Variants in PZP observed in about 807,000 individuals in gnomAD.
PZP encodes the protein PZP alpha-2-macroglobulin like, also known as pregnancy zone protein.
In PZP, 150 loss-of-function variants were observed where a neutral mutation model predicts 179.8. The ratio of observed to expected loss-of-function variants is 0.83; its 90% confidence interval spans 0.73 to 0.96. The LOEUF (loss-of-function observed/expected upper bound fraction) is 0.96. Ranked by LOEUF, PZP falls within the 40% of genes least tolerant of loss-of-function variation. The pLI is 0.00. For missense variants in PZP, 1,689 were observed against 1,764.0 expected, an observed-to-expected ratio of 0.96 and a Z score of 0.76; for synonymous variants, 624 against 652.3, an observed-to-expected ratio of 0.96 and a Z score of 0.66.
chr12:9,162,265 C>T (rs1285025050), intron 22 of PZP: 1 of 213,668 alleles, frequency 4.7e-6, no homozygotes, highest in African/African-American at 2.3e-5. Flanking sequence ...CCCGGCTAAC[C>T]CTGCTCTCTT....
At chr12:9,139,592 T>C in the PZP span, among the ~76,000 whole-genome samples, 11 of 152,344 alleles carry the variant, frequency 7.2e-5, no homozygotes, top group South Asian at 2.3e-3. Context: ...ATGTTTGCTT[T>C]ATATATTTAG....
chr12:9,180,785 A>C (rs763179585), intron 15 of PZP, among the ~76,000 whole-genome samples, 198 bp downstream of exon 15: 10 of 152,352 alleles, frequency 6.6e-5, no homozygotes, highest in East Asian at 5.8e-4. Flanking sequence ...GCAACAAAAG[A>C]CAAAATTGAC....
intron 1 of PZP, among the ~76,000 whole-genome samples, chr12:9,204,813 A>T (rs181234185): frequency 1.2e-4 from 19 of 152,328 alleles, no homozygotes; most frequent in Admixed American, 2.0e-4. Flanking sequence ...AAACAGGTTC[A>T]GGCTGGGAGA....
chr12:9,163,938 T>C (rs1417148511), intron 20 of PZP, 149 bp from the exon 21 acceptor site: 1 of 1,247,254 alleles, frequency 8.0e-7, no homozygotes, highest in African/African-American at 1.5e-5. Flanking sequence ...AAGTAGCCAA[T>C]GTCCAAGATA....
At chr12:9,181,530 T>C (rs1942759591) in intron 14 of PZP, among the ~76,000 whole-genome samples, 1 of 152,168 alleles carries the variant, frequency 6.6e-6, no homozygotes, top group Non-Finnish European at 1.5e-5. Context: ...ATTACATAAG[T>C]GGGGAATCTT....
chr12:9,195,522 C>A (rs936463558), intron 10 of PZP, among the ~76,000 whole-genome samples: 1 of 151,598 alleles, frequency 6.6e-6, no homozygotes, highest in Non-Finnish European at 1.5e-5. Context: ...TAACTCACAG[C>A]AGCATCGAAG....
chr12:9,174,390 C>T (rs1565642652), intron 15 of PZP, among the ~76,000 whole-genome samples: 1 of 152,170 alleles, frequency 6.6e-6, no homozygotes, highest in African/African-American at 2.4e-5. Flanking sequence ...AAGCTGGGAG[C>T]ATTCCCCTTG....
intron 15 of PZP, among the ~76,000 whole-genome samples, chr12:9,174,879 A>G (rs758931248): frequency 1.2e-4 from 19 of 152,356 alleles, no homozygotes; most frequent in Admixed American, 2.6e-4. Flanking sequence ...GACAATGGCC[A>G]TACTGCCCAA....
chr12:9,151,959 TA>T (rs1940389903), intron 32 of PZP, among the ~76,000 whole-genome samples: 1 of 152,220 alleles, frequency 6.6e-6, no homozygotes, highest in Non-Finnish European at 1.5e-5. Context: ...TGGGTGGTTT[TA>T]TTGTTTTGTG....
At position 9,185,814 on chromosome 12, in the gene PZP, C is replaced by CTTTTCTTTTCTTTTCTTTTCTTTTCT. The variant is rs892496380; in HGVS notation, c.1547-3698_1547-3697insAGAAAAGAAAAGAAAAGAAAAGAAAA. Among the ~76,000 whole-genome samples, 22 of 147,300 alleles carry CTTTTCTTTTCTTTTCTTTTCTTTTCT rather than the reference C, an allele frequency of 1.5e-4. No homozygotes were observed. In the East Asian group the frequency reaches 3.0e-3, roughly 20 times the overall value. ...CATTTCTTTTCTTTTCTTTTCTTTT[C>CTTTTCTTTTCTTTTCTTTTCTTTTCT]TTTTTTTTTTTCTTGACAGAGTCTC... On this transcript the variant is annotated intron_variant, in intron 13 of 35. Transcript: ENST00000261336.
chr12:9,169,274 C>T lies in PZP; in HGVS notation c.2001+156G>A, dbSNP rs115766891. On this transcript the variant is annotated intron_variant, in intron 16 of 35. Transcript: ENST00000261336. ...ACATACTGAGCTTTTGTGTGATCCT[C>T]ACAAGAGACTTTAACCTTTTTATTG... Among the ~76,000 whole-genome samples, 1,059 of 152,242 alleles carry T rather than the reference C, an allele frequency of 7.0e-3. 11 individuals carry two copies. Among genetic ancestry groups the T allele is most frequent in the African/African-American group, 0.024 (1,001 of 41,534 alleles).
At chr12:9,191,052 T>C (rs922250426) in intron 13 of PZP, among the ~76,000 whole-genome samples, 12 of 152,138 alleles carry the variant, frequency 7.9e-5, no homozygotes, top group African/African-American at 2.9e-4. Context: ...GAGAAATTTT[T>C]TCCAATTGTT....
At chr12:9,146,081 G>A (rs1373515172), downstream of PZP, among the ~76,000 whole-genome samples, 1 of 152,002 alleles carries the variant, frequency 6.6e-6, no homozygotes, top group African/African-American at 2.4e-5. Context: ...GGTTGAGAAG[G>A]TTTTAGTCAT....
At chr12:9,152,412 G>T in intron 31 of PZP, 102 bp from the exon 32 acceptor site, 2 of 848,198 alleles carry the variant, frequency 2.4e-6, no homozygotes, top group Middle Eastern at 2.5e-4. Flanking sequence ...TCAAGAAGTT[G>T]TCCCTAATAT....
At chr12:9,205,372 G>T (rs964991346) in intron 1 of PZP, among the ~76,000 whole-genome samples, 3 of 152,080 alleles carry the variant, frequency 2.0e-5, no homozygotes, top group African/African-American at 7.2e-5. Context: ...TGTTTTTGTT[G>T]TTGCTGTTTT....
intron 12 of PZP, 26 bp from the exon 13 acceptor site, chr12:9,192,282 A>G (rs2075394): frequency 0.27 from 441,050 of 1,606,846 alleles, 61,819 homozygotes; most frequent in East Asian, 0.37. Context: ...AGTGAAGGAA[A>G]TTTCTTGAGC....
chr12:9,167,432 C>T (rs1020211261), intron 17 of PZP: 1 of 152,190 alleles, frequency 6.6e-6, no homozygotes, highest in Non-Finnish European at 1.5e-5. Flanking sequence ...AGGGTATCTC[C>T]TGATCCATGG....
chr12:9,204,588 A>G (rs1484212277), intron 1 of PZP, among the ~76,000 whole-genome samples: 1 of 152,172 alleles, frequency 6.6e-6, no homozygotes, highest in Non-Finnish European at 1.5e-5. Context: ...ATATTTTATC[A>G]ACGAGTTTGA....
intron 7 of PZP, among the ~76,000 whole-genome samples, chr12:9,198,380 T>A (rs1239727310): frequency 1.3e-5 from 2 of 152,156 alleles, no homozygotes; most frequent in Admixed American, 6.6e-5. Flanking sequence ...ACCTACTTAT[T>A]TTCTATCATT....
Sources: allele counts gnomAD v4.1 joint callset (sites outside exome capture counted in the v4.1 genomes callset), GRCh38; gene constraint gnomAD v4.1.1; transcripts MANE v1.5; gene names NCBI Gene and HGNC (gene_info 2026-07-23, HGNC 2026-07-21).